CNTNAP4: variants seen among roughly 807,000 people sequenced by gnomAD.
CNTNAP4 encodes contactin associated protein family member 4.
Under a neutral mutation model 148.4 loss-of-function variants are expected in CNTNAP4, and 98 were observed. The ratio of observed to expected loss-of-function variants is 0.66; its 90% CI spans 0.56 to 0.78. The LOEUF (loss-of-function observed/expected upper bound fraction) is 0.78, where lower values mean the gene tolerates loss of function less well. CNTNAP4 is among the 30% of genes least tolerant of loss of function. The pLI, the probability that CNTNAP4 is intolerant of heterozygous loss-of-function variation, is 0.00. For synonymous variants in CNTNAP4, 730 were observed against 565.1 expected (o/e 1.29, Z -4.14); for missense variants, 1,935 against 1,565.6 (o/e 1.24, Z -3.98).
chr16:76,558,891 G>C lies in CNTNAP4; in HGVS notation c.*208G>C, dbSNP rs2085309004. On this transcript the variant is annotated 3_prime_UTR_variant, in exon 24 of 24. Coordinates refer to ENST00000611870, the MANE Select transcript of CNTNAP4 (RefSeq NM_033401.5). ...ATTCATTCTATGGAACAAGAAATTA[G>C]ATATTGCTGTTAATTTTCAACTGTT... 9.5e-6 allele frequency: 4 copies of C among 419,372 alleles called. No homozygotes were observed. The highest frequency in any genetic ancestry group is 1.7e-5 in the Non-Finnish European group (4 of 237,436). 26.0% of individuals were successfully genotyped at this position (419,372 alleles called of 1,614,324 possible). A position where few individuals can be genotyped will look rare whatever the true frequency, so the allele number is the denominator to read the frequency against.
chr16:76,515,786 A>C lies in CNTNAP4; in HGVS notation c.2366-5354A>C, dbSNP rs544980605. 1.2e-4 allele frequency among the ~76,000 whole-genome samples: 19 copies of C among 152,238 alleles called. No individual in the cohort carries two copies. The South Asian group carries it at 2.1e-3, about 17-fold the overall frequency. ...AATGAGGCACCACTTTACACCTCTC[A>C]AAAGGACTAAGATTTAAAAAAAAAA... On this transcript the variant is annotated intron_variant, in intron 15 of 23. Coordinates refer to ENST00000611870, the MANE Select transcript of CNTNAP4 (RefSeq NM_033401.5).
intron 1 of CNTNAP4, among the ~76,000 whole-genome samples, chr16:76,304,616 A>G (rs1179569750): frequency 2.6e-5 from 4 of 152,194 alleles, no homozygotes; most frequent in Admixed American, 2.6e-4. Context: ...GTAACTCAAA[A>G]TAAAATTATA....
At chr16:76,426,869 A>T (rs533012631) in intron 3 of CNTNAP4, among the ~76,000 whole-genome samples, 229 of 152,200 alleles carry the variant, frequency 1.5e-3, no homozygotes, top group African/African-American at 5.3e-3. Context: ...ATTGCTTCCA[A>T]TTTCCCTTCA....
intron 13 of CNTNAP4, among the ~76,000 whole-genome samples, chr16:76,490,454 G>T (rs898032527): frequency 1.4e-4 from 22 of 152,064 alleles, no homozygotes; most frequent in African/African-American, 5.3e-4. Context: ...TCTGGTTTTG[G>T]TCTTTCTTTA....
chr16:76,284,649 T>C (rs574520629), intron 1 of CNTNAP4, among the ~76,000 whole-genome samples: 24 of 152,002 alleles, frequency 1.6e-4, no homozygotes, highest in Admixed American at 6.6e-4. Flanking sequence ...ACTGTTGAAT[T>C]GTCTTCTTAT....
At chr16:76,347,327 C>T (rs1467338573) in intron 2 of CNTNAP4, among the ~76,000 whole-genome samples, 1 of 152,140 alleles carries the variant, frequency 6.6e-6, no homozygotes, top group African/African-American at 2.4e-5. Flanking sequence ...AATTTTATTT[C>T]AATCTTATAT....
intron 1 of CNTNAP4, 98 bp downstream of exon 1, chr16:76,277,845 G>A: frequency 2.5e-6 from 2 of 792,442 alleles, no homozygotes; most frequent in Non-Finnish European, 4.2e-6. Context: ...TGGGATTGCT[G>A]CAAAGCGTAT....
At chr16:76,434,979 A>C (rs1450288821) in intron 4 of CNTNAP4, among the ~76,000 whole-genome samples, 1 of 152,178 alleles carries the variant, frequency 6.6e-6, no homozygotes, top group Non-Finnish European at 1.5e-5. Context: ...ACTCAGAGAC[A>C]GTGTCCAGTG....
chr16:76,329,456 C>T (rs956665102), intron 2 of CNTNAP4, among the ~76,000 whole-genome samples: 2 of 152,162 alleles, frequency 1.3e-5, no homozygotes, highest in African/African-American at 4.8e-5. Context: ...TTCCCGTGCA[C>T]TATCTCCTTT....
intron 3 of CNTNAP4, among the ~76,000 whole-genome samples, chr16:76,376,703 A>G (rs73615705): frequency 0.014 from 2,197 of 152,290 alleles, 41 homozygotes; most frequent in African/African-American, 0.046. Context: ...GGGCATAGAC[A>G]TTTAGGACCC....
intron 3 of CNTNAP4, among the ~76,000 whole-genome samples, chr16:76,372,831 G>A (rs1196012690): frequency 6.6e-6 from 1 of 152,134 alleles, no homozygotes; most frequent in African/African-American, 2.4e-5. Flanking sequence ...TTACTCAAGT[G>A]CTACTGGCTA....
intron 3 of CNTNAP4, among the ~76,000 whole-genome samples, chr16:76,398,700 A>G (rs1038967794): frequency 6.6e-6 from 1 of 152,150 alleles, no homozygotes; most frequent in East Asian, 1.9e-4. Flanking sequence ...CTATATCCCC[A>G]CATTTGTGCC....
At chr16:76,346,147 A>G (rs72626202) in intron 2 of CNTNAP4, among the ~76,000 whole-genome samples, 28,399 of 152,110 alleles carry the variant, frequency 0.19, 3,450 homozygotes, top group East Asian at 0.49. Flanking sequence ...TTAAGCCCAG[A>G]GGTAAACAAA....
intron 3 of CNTNAP4, among the ~76,000 whole-genome samples, chr16:76,417,031 T>A (rs908384080): frequency 4.0e-5 from 6 of 151,412 alleles, no homozygotes; most frequent in African/African-American, 4.8e-5. Context: ...CTCCTTCGGC[T>A]TTTATTTTTT....
chr16:76,412,859 C>G (rs1033360148), intron 3 of CNTNAP4, among the ~76,000 whole-genome samples: 1 of 151,412 alleles, frequency 6.6e-6, no homozygotes, highest in African/African-American at 2.4e-5. Flanking sequence ...TCCTTAAAAT[C>G]GTGAAAATAT....
chr16:76,520,454 C>T (rs2083411608), intron 15 of CNTNAP4, among the ~76,000 whole-genome samples: 1 of 152,082 alleles, frequency 6.6e-6, no homozygotes, highest in African/African-American at 2.4e-5. Context: ...ACATTTTCTG[C>T]CCATTTTGAA....
chr16:76,484,907 C>T (rs150087553), intron 12 of CNTNAP4, among the ~76,000 whole-genome samples: 1 of 152,274 alleles, frequency 6.6e-6, no homozygotes, highest in African/African-American at 2.4e-5. Flanking sequence ...TAGTCTAGAA[C>T]TAGTGTCAAG....
At chr16:76,396,934 C>T (rs763322455) in intron 3 of CNTNAP4, among the ~76,000 whole-genome samples, 21 of 152,098 alleles carry the variant, frequency 1.4e-4, no homozygotes, top group Non-Finnish European at 2.4e-4. Flanking sequence ...CAAGAAACAA[C>T]AAGAAGCTTT....
Position 76,427,520 on chromosome 16 carries a change from A to T in CNTNAP4, c.459A>T (p.Arg153Ser). The change falls in exon 4 of 24, where the codon AGA becomes AGT. Residue 153 changes from arginine to serine, a missense_variant. Transcript: ENST00000611870. The part of the protein sequence containing the change: ...YYRLQPSIKA[R>S]FLRFIPLEWN... ...GACTCCAGCCTTCTATCAAAGCCAG[A>T]TTTCTGCGCTTCATCCCTTTGGAAT... 6.2e-7 allele frequency: 1 copy of T among 1,613,352 alleles called. No individual in the cohort carries two copies.
Sources: gnomAD v4.1 joint callset for allele counts (sites outside exome capture counted in the v4.1 genomes callset) on GRCh38, gnomAD v4.1.1 for gene constraint, MANE v1.5 for transcripts, NCBI Gene and HGNC (gene_info 2026-07-23, HGNC 2026-07-21) for gene names.